MROH7: variants seen among roughly 807,000 people sequenced by gnomAD.
The protein encoded by MROH7 is maestro heat-like repeat-containing protein family member 7.
MROH7 carries 113 observed loss-of-function variants against 129.2 expected under a neutral mutation model. The ratio of observed to expected loss-of-function variants is 0.87; its 90% CI spans 0.75 to 1.02. The LOEUF (loss-of-function observed/expected upper bound fraction) is 1.02. MROH7 is among the 50% of genes least tolerant of loss of function. MROH7 has a pLI of 0.00. For missense variants in MROH7, 1,601 were observed against 1,671.3 expected, an observed-to-expected ratio of 0.96 and a Z score of 0.73; for synonymous variants, 655 against 667.9, an observed-to-expected ratio of 0.98 and a Z score of 0.30.
Position 54,680,028 on chromosome 1 carries a change from C to A in MROH7, c.2364C>A (p.Cys788Ter). Residue 788 changes from cysteine (C) to a stop codon, truncating the protein, a stop_gained, in exon 13 of 24, where the codon TGC (cysteine) becomes TGA (stop). Transcript: ENST00000421030. LOFTEE classifies it high-confidence loss of function. ...AGGTTGTGGTGGCCCTGCTCATGTGCCCCCTCCCACTGAACAGGTACCAAG... is the reference window on the plus strand; with the variant it reads ...AGGTTGTGGTGGCCCTGCTCATGTGACCCCTCCCACTGAACAGGTACCAAG... ...MTEVVVALLM[C>*]PLPLNSNGAE... 1 of 1,613,888 alleles carries A rather than the reference C, an allele frequency of 6.2e-7. No individual in the cohort carries two copies. Among genetic ancestry groups the A allele is most frequent in the Non-Finnish European group, 8.5e-7 (1 of 1,179,906 alleles).
rs376456399 is a variant in MROH7, at chr1:54,653,958, G to C, written c.1032G>C (p.Leu344=). 1.9e-6 allele frequency: 3 copies of C among 1,614,064 alleles called. No homozygotes were observed. Among genetic ancestry groups the C allele is most frequent in the South Asian group, 2.2e-5 (2 of 91,088 alleles). Residue 344 remains leucine, a synonymous_variant, in exon 3 of 24, where the codon CTG becomes CTC. Coordinates refer to ENST00000421030, the MANE Select transcript of MROH7 (RefSeq NM_001039464.4). ...CTCTGAGCCTGGACTCCAGCCTCCT[G>C]TTCAGCGACACCTCCACCTTGACGC... ...NETLSLDSSL[L]FSDTSTLTLS... is the part of the protein sequence containing the mutation.
Position 54,670,825 on chromosome 1 carries a change from C to T in MROH7, c.1495C>T (p.Arg499Trp), listed in dbSNP as rs202182199. ...LSHTQPTLGM[R>W]ERSELVNVCV... is the part of the protein sequence containing the mutation. ...CCACACCCAGCCCACCCTGGGCATG[C>T]GGGAGAGGTCGGAGCTGGTGAACGT... Residue 499 changes from arginine to tryptophan, a missense_variant, in exon 7 of 24, where the codon CGG becomes TGG. Coordinates refer to ENST00000421030, the MANE Select transcript of MROH7 (RefSeq NM_001039464.4). The T allele has an allele frequency of 5.6e-5, 91 of 1,613,950 alleles. No homozygotes were observed. Among genetic ancestry groups the T allele is most frequent in the South Asian group, 6.6e-5 (6 of 91,004 alleles).
At chr1:54,702,860 A>G in intron 21 of MROH7, 115 bp downstream of exon 21, 1 of 1,311,312 alleles carries the variant, frequency 7.6e-7, no homozygotes, top group Middle Eastern at 2.5e-4. Context: ...ACCAACTACA[A>G]GTTGTTGGTT....
chr1:54,679,817 C>A, intron 12 of MROH7, 74 bp from the exon 13 acceptor site: 1 of 1,449,922 alleles, frequency 6.9e-7, no homozygotes, highest in Non-Finnish European at 9.5e-7. Flanking sequence ...CCTTCCCTCT[C>A]CTCCCACCTT....
Position 54,668,945 on chromosome 1 carries a change from A to T in MROH7, c.1389+8A>T. 8.9e-6 allele frequency: 14 copies of T among 1,578,418 alleles called. No homozygotes were observed. The highest frequency in any genetic ancestry group is 1.2e-5 in the Non-Finnish European group (14 of 1,148,764). On this transcript the variant is annotated splice_region_variant and intron_variant, in intron 5 of 23. Transcript: ENST00000421030. The stretch of plus-strand genomic sequence containing the variant: ...ATGATAAAGAAGATTATGGTGGGGG[A>T]GCCACAGGCGGGTCTGTGGCATTGG...
chr1:54,697,878 C>A (rs940119596), intron 17 of MROH7: 12 of 505,094 alleles, frequency 2.4e-5, no homozygotes, highest in Admixed American at 6.6e-5. Flanking sequence ...CCTTATGGGG[C>A]ATTCCTGTGT....
At chr1:54,684,261 C>T (rs573557321) in intron 14 of MROH7, among the ~76,000 whole-genome samples, 1 of 152,284 alleles carries the variant, frequency 6.6e-6, no homozygotes, top group South Asian at 2.1e-4. Context: ...TGCTTAGAGA[C>T]ATTCCATGTC....
chr1:54,653,665 A>C lies in MROH7; in HGVS notation c.739A>C (p.Thr247Pro). 1 of 1,614,176 alleles carries C rather than the reference A, an allele frequency of 6.2e-7. No individual in the cohort carries two copies. The highest frequency in any genetic ancestry group is 8.5e-7 in the Non-Finnish European group (1 of 1,180,020). ...GACCCTAATCCCAGACACAAATGAG[A>C]CCATCACTTTGGCTTCACATAATAT... ...HGTLIPDTNE[T>P]ITLASHNISE... The change falls in exon 3 of 24, where the codon ACC (threonine) becomes CCC (proline). Residue 247 changes from threonine to proline, a missense_variant. Transcript: ENST00000421030.
chr1:54,704,786 T>C (rs932840627), intron 21 of MROH7, among the ~76,000 whole-genome samples: 6 of 135,832 alleles, frequency 4.4e-5, no homozygotes, highest in African/African-American at 1.7e-4. Context: ...TAGCATTCAA[T>C]GTAGCTCTTT....
intron 1 of MROH7, among the ~76,000 whole-genome samples, chr1:54,648,219 A>G (rs1409222126): frequency 6.6e-6 from 1 of 151,900 alleles, no homozygotes; most frequent in African/African-American, 2.4e-5. Flanking sequence ...TGGAGGAGTT[A>G]CCACCCTTGT....
chr1:54,654,151 C>A lies in MROH7; in HGVS notation c.1225C>A (p.Pro409Thr). 2 of 1,607,448 alleles carry A rather than the reference C, an allele frequency of 1.2e-6. No homozygotes were observed. The highest frequency in any genetic ancestry group is 2.2e-5 in the East Asian group (1 of 44,704). ...GGACGCCGTGACCTTGCAAGGCATCCCTGAGGGTAAGGCCAGGGCCGCAGC... is the reference window on the plus strand; with the variant it reads ...GGACGCCGTGACCTTGCAAGGCATCACTGAGGGTAAGGCCAGGGCCGCAGC... ...GKDAVTLQGI[P>T]EGAFDEVTSC... The change falls in exon 3 of 24, where the codon CCT (proline) becomes ACT (threonine). Residue 409 changes from proline (P) to threonine (T), a missense_variant. Pro to Thr is a conservative substitution (Grantham distance 38). Coordinates refer to ENST00000421030, the MANE Select transcript of MROH7 (RefSeq NM_001039464.4).
intron 17 of MROH7, chr1:54,697,783 A>G: frequency 3.1e-6 from 2 of 642,784 alleles, no homozygotes; most frequent in Non-Finnish European, 2.8e-6. Flanking sequence ...TACTTTGGTC[A>G]GCCTCTTGGA....
At chr1:54,691,803 A>AAGTGTGT (rs778263944) in intron 15 of MROH7, among the ~76,000 whole-genome samples, 3 of 104,188 alleles carry the variant, frequency 2.9e-5, no homozygotes, top group South Asian at 3.4e-4. Context: ...AAAAAAAAAA[A>AAGTGTGT]GTGTGTGTGT....
intron 1 of MROH7, among the ~76,000 whole-genome samples, chr1:54,648,981 C>A (rs1204805887): frequency 6.6e-6 from 1 of 152,068 alleles, no homozygotes; most frequent in Non-Finnish European, 1.5e-5. Flanking sequence ...ATAGAAGAGT[C>A]CTATTTAGGG....
rs372126278 is a variant in MROH7 at position 54,702,298 on chromosome 1, G to A, written c.3441+53G>A. The A allele has an allele frequency of 3.2e-5, 43 of 1,351,046 alleles. 1 individual carries two copies. The East Asian group carries it at 7.5e-4, about 24-fold the overall frequency. 83.7% of individuals were successfully genotyped at this position (1,351,046 alleles called of 1,614,324 possible). ...TACCCCTCCCTCGGGTCCTGTGGGC[G>A]CACCTCTTTTTACGTTAACCAAGCC... On this transcript the variant is annotated intron_variant, in intron 20 of 23. Coordinates refer to ENST00000421030, the MANE Select transcript of MROH7 (RefSeq NM_001039464.4).
intron 8 of MROH7, 57 bp from the exon 9 acceptor site, chr1:54,673,644 C>G (rs1214259729): frequency 7.3e-7 from 1 of 1,375,972 alleles, no homozygotes; most frequent in Non-Finnish European, 1.0e-6. Flanking sequence ...CCTGTCCACC[C>G]AGCAGCAGGG....
rs954887217 is a variant in MROH7 at position 54,701,074 on chromosome 1, A to G, written c.3106-69A>G. The G allele has an allele frequency of 2.0e-6, 3 of 1,536,262 alleles. No individual in the cohort carries two copies. The African/African-American group carries it at 4.1e-5, about 21-fold the overall frequency. The stretch of plus-strand genomic sequence containing the variant: ...GCCACCAAGTTCATTTCAGTGAATC[A>G]GAGGCTGGGTCTCTTCCTACTTGCT... On this transcript the variant is annotated intron_variant, in intron 18 of 23. Transcript: ENST00000421030.
intron 17 of MROH7, among the ~76,000 whole-genome samples, chr1:54,696,458 C>T (rs1418416082): frequency 6.6e-6 from 1 of 152,126 alleles, no homozygotes; most frequent in Non-Finnish European, 1.5e-5. Context: ...AAACTCAACA[C>T]CCACTAAACA....
intron 3 of MROH7, among the ~76,000 whole-genome samples, chr1:54,655,243 G>C (rs1453279982): frequency 6.6e-6 from 1 of 152,040 alleles, no homozygotes; most frequent in Non-Finnish European, 1.5e-5. Context: ...TTGAACTCCC[G>C]ACCTCAGGTG....
Sources: gnomAD v4.1 joint callset for allele counts (sites outside exome capture counted in the v4.1 genomes callset) on GRCh38, gnomAD v4.1.1 for gene constraint, MANE v1.5 for transcripts, NCBI Gene and HGNC (gene_info 2026-07-23, HGNC 2026-07-21) for gene names.